The following EPHA6 variants were observed in gnomAD, a reference collection of about 807,000 sequenced individuals.
EPHA6 encodes ephrin type-A receptor 6.
EPHA6 carries 50 observed loss-of-function variants against 112.0 expected under a neutral mutation model. The observed-to-expected ratio is 0.45, with a 90% CI of 0.36 to 0.56. The LOEUF is 0.56. Ranked by LOEUF, EPHA6 falls within the 20% of genes least tolerant of loss-of-function variation. EPHA6 has a pLI of 0.00. For synonymous variants in EPHA6, 529 were observed against 490.7 expected (o/e 1.08, Z -1.03); for missense variants, 1,280 against 1,417.4 (o/e 0.90, Z 1.56).
At chr3:97,244,378 A>T (rs1012722858) in intron 5 of EPHA6, 91 bp downstream of exon 5, 7 of 1,087,582 alleles carry the variant, frequency 6.4e-6, no homozygotes, top group Non-Finnish European at 9.6e-6. Flanking sequence ...TGCAGGTGCT[A>T]TGCAGTCATA....
At chr3:97,249,409 T>C (rs2079071397) in intron 5 of EPHA6, among the ~76,000 whole-genome samples, 1 of 152,170 alleles carries the variant, frequency 6.6e-6, no homozygotes. Context: ...ATAATCTAGG[T>C]GATTGTAAAA....
chr3:97,419,352 G>T (rs1015194617), intron 6 of EPHA6, among the ~76,000 whole-genome samples: 1 of 151,476 alleles, frequency 6.6e-6, no homozygotes, highest in Non-Finnish European at 1.5e-5. Flanking sequence ...GGTCAGGCAC[G>T]GTGGCTTACG....
intron 2 of EPHA6, among the ~76,000 whole-genome samples, chr3:96,976,860 A>T (rs1332471134): frequency 6.6e-6 from 1 of 152,292 alleles, no homozygotes; most frequent in South Asian, 2.1e-4. Flanking sequence ...AGCTTCACAG[A>T]TTCTTCCTGG....
chr3:96,834,297 C>T (rs1427363784), intron 1 of EPHA6, among the ~76,000 whole-genome samples: 2 of 152,078 alleles, frequency 1.3e-5, no homozygotes, highest in East Asian at 3.9e-4. Flanking sequence ...GGGGAATCTG[C>T]ATGGTCTGCC....
At position 97,430,121 on chromosome 3, in the gene EPHA6, A is replaced by G. The variant is rs538479937; in HGVS notation, c.1732-18447A>G. Among the ~76,000 whole-genome samples, 15 of 152,334 alleles carry G rather than the reference A, an allele frequency of 9.8e-5. No homozygotes were observed. The South Asian group carries it at 2.9e-3, about 29-fold the overall frequency. ...TATTTATAAATGAAATTAAAGAATG[A>G]ATAACATTCATATTCAAACTGATGA... On this transcript the variant is annotated intron_variant, in intron 6 of 17. Transcript: ENST00000389672.
chr3:97,186,087 A>G (rs957860448), intron 3 of EPHA6, among the ~76,000 whole-genome samples: 2 of 151,092 alleles, frequency 1.3e-5, no homozygotes, highest in African/African-American at 2.4e-5. Context: ...GGGGAGGGAT[A>G]GCATTTGGAG....
chr3:97,039,149 G>A (rs779847632), intron 3 of EPHA6, among the ~76,000 whole-genome samples: 5 of 151,934 alleles, frequency 3.3e-5, no homozygotes, highest in Non-Finnish European at 5.9e-5. Context: ...CAATGGATGT[G>A]CTCAGTTAGG....
chr3:97,357,561 T>C (rs1318106782), intron 5 of EPHA6, among the ~76,000 whole-genome samples: 1 of 152,192 alleles, frequency 6.6e-6, no homozygotes, highest in African/African-American at 2.4e-5. Flanking sequence ...TATTGGAGAA[T>C]TGAATCTATT....
intron 3 of EPHA6, among the ~76,000 whole-genome samples, chr3:97,208,126 T>G (rs1460747069): frequency 1.3e-5 from 2 of 152,154 alleles, no homozygotes; most frequent in African/African-American, 2.4e-5. Flanking sequence ...TTGCTGCATA[T>G]AGCATTTCAC....
intron 2 of EPHA6, among the ~76,000 whole-genome samples, chr3:96,939,017 A>T (rs1412235353): frequency 6.6e-6 from 1 of 152,158 alleles, no homozygotes; most frequent in Admixed American, 6.5e-5. Flanking sequence ...CCAGTATTTT[A>T]TTGAGGATTT....
chr3:97,602,173 A>G (rs1319405860), intron 12 of EPHA6, among the ~76,000 whole-genome samples: 1 of 152,066 alleles, frequency 6.6e-6, no homozygotes, highest in Non-Finnish European at 1.5e-5. Context: ...TTTTTAAGCC[A>G]AATTTGAGAA....
chr3:97,084,067 A>AGTGT (rs145113129), intron 3 of EPHA6, among the ~76,000 whole-genome samples: 8,437 of 109,630 alleles, frequency 0.077, 371 homozygotes, highest in African/African-American at 0.12. Context: ...TATTTCTTAA[A>AGTGT]GTGTGTGTGT....
At chr3:97,173,128 C>T (rs975319515) in intron 3 of EPHA6, among the ~76,000 whole-genome samples, 3 of 151,708 alleles carry the variant, frequency 2.0e-5, no homozygotes, top group South Asian at 4.1e-4. Context: ...GACTGGATCT[C>T]GGCTTACACT....
intron 6 of EPHA6, among the ~76,000 whole-genome samples, chr3:97,438,429 T>C (rs1479367008): frequency 6.6e-6 from 1 of 152,218 alleles, no homozygotes; most frequent in African/African-American, 2.4e-5. Context: ...CACTATATGC[T>C]AGCAAAAGTA....
intron 14 of EPHA6, among the ~76,000 whole-genome samples, chr3:97,674,668 GAAACGGTTATTTGA>G (rs1245170998): frequency 6.6e-6 from 1 of 152,126 alleles, no homozygotes; most frequent in East Asian, 1.9e-4. Flanking sequence ...ACCACTTTAG[GAAACGGTTATTTGA>G]GCCTAATAGC....
chr3:97,340,373 G>T (rs962492483), intron 5 of EPHA6, among the ~76,000 whole-genome samples: 3 of 152,074 alleles, frequency 2.0e-5, no homozygotes, highest in Admixed American at 1.3e-4. Context: ...GGAGATGGAG[G>T]TTTGGTTTAT....
chr3:97,275,833 G>T (rs2080057253), intron 5 of EPHA6, among the ~76,000 whole-genome samples: 1 of 152,018 alleles, frequency 6.6e-6, no homozygotes, highest in South Asian at 2.1e-4. Flanking sequence ...GGTTAAGGTG[G>T]GGGGATATGA....
intron 2 of EPHA6, among the ~76,000 whole-genome samples, chr3:96,923,105 A>G (rs964963325): frequency 2.0e-5 from 3 of 152,156 alleles, no homozygotes; most frequent in Admixed American, 1.3e-4. Context: ...GAACATACGC[A>G]TGCATGTATC....
intron 10 of EPHA6, among the ~76,000 whole-genome samples, chr3:97,500,142 C>T (rs1284873611): frequency 2.6e-5 from 4 of 152,190 alleles, no homozygotes; most frequent in East Asian, 1.9e-4. Context: ...TACACATGAG[C>T]TTAGGTCTAC....
Sources: gnomAD v4.1 joint callset for allele counts (sites outside exome capture counted in the v4.1 genomes callset) on GRCh38, gnomAD v4.1.1 for gene constraint, MANE v1.5 for transcripts, NCBI Gene and HGNC (gene_info 2026-07-23, HGNC 2026-07-21) for gene names.